HS3ST4: variants seen among roughly 807,000 people sequenced by gnomAD.
HS3ST4 encodes heparan sulfate glucosamine 3-O-sulfotransferase 4.
Under a neutral mutation model 29.2 loss-of-function variants are expected in HS3ST4, and 17 were observed. The observed-to-expected ratio is 0.58, with a 90% confidence interval of 0.40 to 0.87. HS3ST4 has a LOEUF of 0.87. Ranked by LOEUF, HS3ST4 falls within the 40% of genes least tolerant of loss-of-function variation. HS3ST4 has a pLI of 0.00. For missense variants in HS3ST4, 627 were observed against 634.5 expected, an observed-to-expected ratio of 0.99 and a Z score of 0.13; for synonymous variants, 314 against 285.7, an observed-to-expected ratio of 1.10 and a Z score of -1.00.
intron 1 of HS3ST4, among the ~76,000 whole-genome samples, chr16:25,770,531 C>T (rs934779073): frequency 6.6e-6 from 1 of 152,108 alleles, no homozygotes; most frequent in East Asian, 1.9e-4. Context: ...TCAGCTCACT[C>T]TTTTAAGCCT....
intron 1 of HS3ST4, among the ~76,000 whole-genome samples, chr16:25,890,666 T>C (rs910552557): frequency 8.5e-5 from 13 of 152,186 alleles, no homozygotes; most frequent in African/African-American, 2.9e-4. Flanking sequence ...ATCTGACCTC[T>C]CTGGGGAAAT....
intron 1 of HS3ST4, among the ~76,000 whole-genome samples, chr16:26,084,836 C>G (rs1898766792): frequency 6.6e-6 from 1 of 151,866 alleles, no homozygotes; most frequent in Non-Finnish European, 1.5e-5. Flanking sequence ...TCTCAAAATT[C>G]TGACCTCAAG....
At chr16:25,795,987 C>T (rs968984804) in intron 1 of HS3ST4, among the ~76,000 whole-genome samples, 3 of 151,896 alleles carry the variant, frequency 2.0e-5, no homozygotes, top group Non-Finnish European at 4.4e-5. Context: ...TAGTCTTCTC[C>T]CCTGTAATAT....
chr16:25,966,814 GC>G, intron 1 of HS3ST4, among the ~76,000 whole-genome samples: 1 of 152,276 alleles, frequency 6.6e-6, no homozygotes, highest in East Asian at 1.9e-4. Flanking sequence ...ATGTTGTAGG[GC>G]CCTGTAGAAG....
At chr16:25,775,185 G>A (rs1029094908) in intron 1 of HS3ST4, among the ~76,000 whole-genome samples, 2 of 152,110 alleles carry the variant, frequency 1.3e-5, no homozygotes, top group Non-Finnish European at 2.9e-5. Context: ...TTGATGTGTC[G>A]GAGGATGGTT....
At chr16:25,860,554 C>A (rs759466571) in intron 1 of HS3ST4, among the ~76,000 whole-genome samples, 1 of 151,960 alleles carries the variant, frequency 6.6e-6, no homozygotes, top group Non-Finnish European at 1.5e-5. Flanking sequence ...AAGAAACAAG[C>A]CATTGAGCCA....
chr16:26,030,489 A>G (rs1052277847), intron 1 of HS3ST4, among the ~76,000 whole-genome samples: 1 of 152,368 alleles, frequency 6.6e-6, no homozygotes. Context: ...AAAGCACCTG[A>G]AGCCATGGCT....
intron 1 of HS3ST4, among the ~76,000 whole-genome samples, chr16:25,906,666 A>C (rs1426520462): frequency 6.6e-6 from 1 of 152,208 alleles, no homozygotes; most frequent in East Asian, 1.9e-4. Flanking sequence ...TAAGATAATC[A>C]GGAAAATAGG....
chr16:25,745,959 G>A (rs1431434830), intron 1 of HS3ST4, among the ~76,000 whole-genome samples: 3 of 152,136 alleles, frequency 2.0e-5, no homozygotes, highest in African/African-American at 4.8e-5. Flanking sequence ...CTGCATACAG[G>A]CTTCCCCTCT....
chr16:26,082,655 ATGGTACATGC>A (rs1228618338), intron 1 of HS3ST4, among the ~76,000 whole-genome samples: 2 of 152,206 alleles, frequency 1.3e-5, no homozygotes, highest in African/African-American at 4.8e-5. Context: ...TCAATTAAAA[ATGGTACATGC>A]TGCAGATGTT....
intron 1 of HS3ST4, among the ~76,000 whole-genome samples, chr16:25,810,144 A>G (rs1967028253): frequency 6.9e-6 from 1 of 145,188 alleles, no homozygotes; most frequent in Admixed American, 6.9e-5. Context: ...AGCAGCATCT[A>G]ACATATGTAG....
At chr16:25,781,827 G>A (rs879581360) in intron 1 of HS3ST4, among the ~76,000 whole-genome samples, 9 of 152,094 alleles carry the variant, frequency 5.9e-5, no homozygotes, top group Non-Finnish European at 8.8e-5. Flanking sequence ...CTTCTCTTTC[G>A]GGTGGTTGTG....
intron 1 of HS3ST4, among the ~76,000 whole-genome samples, chr16:26,084,097 C>T (rs1237261143): frequency 6.6e-6 from 1 of 152,194 alleles, no homozygotes; most frequent in African/African-American, 2.4e-5. Context: ...GTCTGACTGA[C>T]TTCCCTTGAC....
chr16:25,692,756 G>A lies in HS3ST4; in HGVS notation c.339G>A (p.Glu113=). Residue 113 remains glutamate, a synonymous_variant, in exon 1 of 2, where the codon GAG becomes GAA. Transcript: ENST00000331351. The part of the protein sequence containing the change: ...LDNASHGEPP[E]PPEQPAAPGT... ...ACGCGAGCCACGGGGAGCCGCCCGAGCCCCCAGAGCAGCCAGCCGCCCCCG... is the reference window on the plus strand; with the variant it reads ...ACGCGAGCCACGGGGAGCCGCCCGAACCCCCAGAGCAGCCAGCCGCCCCCG... The A allele has an allele frequency of 1.5e-6, 2 of 1,296,014 alleles. No individual in the cohort carries two copies. Among genetic ancestry groups the A allele is most frequent in the Non-Finnish European group, 9.7e-7 (1 of 1,028,966 alleles). 80.3% of individuals were successfully genotyped at this position (1,296,014 alleles called of 1,614,324 possible).
chr16:25,756,991 G>A (rs948406444), intron 1 of HS3ST4, among the ~76,000 whole-genome samples: 1 of 152,142 alleles, frequency 6.6e-6, no homozygotes, highest in Non-Finnish European at 1.5e-5. Flanking sequence ...CTGAGGGAAG[G>A]TACCTAGCCA....
chr16:26,014,847 A>G (rs1371030919), intron 1 of HS3ST4, among the ~76,000 whole-genome samples: 3 of 152,116 alleles, frequency 2.0e-5, no homozygotes, highest in Non-Finnish European at 4.4e-5. Context: ...ATACAAGCAA[A>G]AGGGGTTGAA....
intron 1 of HS3ST4, among the ~76,000 whole-genome samples, chr16:25,871,124 A>G (rs577069224): frequency 5.3e-5 from 8 of 152,312 alleles, no homozygotes; most frequent in Admixed American, 2.0e-4. Context: ...TGAGACATAC[A>G]AGAGTTTTTG....
chr16:25,799,802 T>TTCTG (rs147665879), intron 1 of HS3ST4, among the ~76,000 whole-genome samples: 3 of 152,150 alleles, frequency 2.0e-5, no homozygotes, highest in Non-Finnish European at 4.4e-5. Flanking sequence ...ATGTTGATAG[T>TTCTG]TCTGTCTGTC....
rs556946049 is a variant in HS3ST4, at chr16:25,928,129, G to A, written c.735-207483G>A. On this transcript the variant is annotated intron_variant, in intron 1 of 1. Transcript: ENST00000331351. ...GAGGATTGCTTGCACCTGGATGTTCGAGGCTGCAATAAGCTATGATCACGC... is the reference window on the plus strand; with the variant it reads ...GAGGATTGCTTGCACCTGGATGTTCAAGGCTGCAATAAGCTATGATCACGC... Among the ~76,000 whole-genome samples the A allele has an allele frequency of 9.3e-5, 14 of 149,926 alleles. No individual in the cohort carries two copies. The South Asian group carries it at 2.3e-3, about 25-fold the overall frequency.
Sources: gnomAD v4.1 joint callset for allele counts (sites outside exome capture counted in the v4.1 genomes callset) on GRCh38, gnomAD v4.1.1 for gene constraint, MANE v1.5 for transcripts, NCBI Gene and HGNC (gene_info 2026-07-23, HGNC 2026-07-21) for gene names.